The following NLGN1 variants were observed in gnomAD, a reference collection of about 807,000 sequenced individuals.
NLGN1 encodes neuroligin-1.
A neutral mutation model predicts 65.5 loss-of-function variants in NLGN1; 12 were observed. The ratio of observed to expected loss-of-function variants is 0.18; its 90% CI spans 0.12 to 0.30. The LOEUF is 0.30. NLGN1 is among the 10% of genes least tolerant of loss of function. The probability of loss-of-function intolerance (pLI) is 1.00; values close to 1 mark genes in which losing one functional copy is unlikely to be tolerated. For missense variants in NLGN1, 750 were observed against 1,007.1 expected (o/e 0.74, Z 3.46); for synonymous variants, 350 against 359.5 (o/e 0.97, Z 0.30).
intron 3 of NLGN1, among the ~76,000 whole-genome samples, chr3:173,623,986 C>T (rs1175003796): frequency 6.6e-6 from 1 of 151,968 alleles, no homozygotes; most frequent in Non-Finnish European, 1.5e-5. Flanking sequence ...TTTTCAAATA[C>T]AAATAGGAAT....
At chr3:173,716,654 TGAGAA>T (rs947963874) in intron 3 of NLGN1, among the ~76,000 whole-genome samples, 17 of 152,228 alleles carry the variant, frequency 1.1e-4, no homozygotes, top group Admixed American at 9.8e-4. Context: ...CCTGCTGACT[TGAGAA>T]AAGTGTTATT....
intron 3 of NLGN1, among the ~76,000 whole-genome samples, chr3:173,690,372 GC>G (rs1765298266): frequency 6.6e-6 from 1 of 151,958 alleles, no homozygotes; most frequent in South Asian, 2.1e-4. Flanking sequence ...TTTTATTCCT[GC>G]CTAGACACCT....
In NLGN1 at chr3:173,651,800, T is replaced by G. The variant is rs146603240; in HGVS notation, c.493+46709T>G. 8.3e-4 allele frequency among the ~76,000 whole-genome samples: 127 copies of G among 152,192 alleles called. 3 individuals are homozygous for G. In the East Asian group the frequency reaches 0.017, roughly 20 times the overall value. On this transcript the variant is annotated intron_variant, in intron 3 of 6. Transcript: ENST00000457714. ...ACTCATGTTCTTTGCCCATTTTTTT[T>G]GTTTTGTTTTTTGAGACAGAGTCTG...
intron 4 of NLGN1, among the ~76,000 whole-genome samples, chr3:174,254,686 C>A (rs1745358445): frequency 2.0e-5 from 3 of 151,266 alleles, no homozygotes; most frequent in African/African-American, 7.3e-5. Context: ...TTGTGTCTAC[C>A]AATACAAAAA....
intron 4 of NLGN1, among the ~76,000 whole-genome samples, chr3:174,139,138 G>T (rs985085983): frequency 4.6e-5 from 7 of 151,850 alleles, no homozygotes; most frequent in African/African-American, 1.7e-4. Flanking sequence ...AGAGTCCCTG[G>T]TGTACCTTAG....
At chr3:173,467,064 A>G (rs1724488827) in intron 2 of NLGN1, among the ~76,000 whole-genome samples, 1 of 152,128 alleles carries the variant, frequency 6.6e-6, no homozygotes, top group African/African-American at 2.4e-5. Context: ...TATATTTCTA[A>G]TCTCATCAGA....
rs187485384 is a variant in NLGN1 at position 174,180,195 on chromosome 3, C to G, written c.647-95120C>G. Among the ~76,000 whole-genome samples, 5 of 152,188 alleles carry G rather than the reference C, an allele frequency of 3.3e-5. No individual in the cohort carries two copies. In the East Asian group the frequency reaches 9.7e-4, roughly 29 times the overall value. ...ATACAAAAGTGAGAGTGCCTTTTAG[C>G]CTACATTAGGGAGGTGGGAGTAAAG... On this transcript the variant is annotated intron_variant, in intron 4 of 6. Transcript: ENST00000457714.
chr3:174,055,832 T>C (rs1470724422), intron 4 of NLGN1, among the ~76,000 whole-genome samples: 1 of 152,056 alleles, frequency 6.6e-6, no homozygotes, highest in African/African-American at 2.4e-5. Flanking sequence ...ATACCTGACT[T>C]ATTATTCTTT....
intron 3 of NLGN1, among the ~76,000 whole-genome samples, chr3:173,751,581 T>C (rs1318753852): frequency 1.3e-5 from 2 of 152,080 alleles, no homozygotes; most frequent in Non-Finnish European, 2.9e-5. Context: ...CTTGTTATGC[T>C]AATAATCAGA....
upstream of NLGN1, among the ~76,000 whole-genome samples, chr3:173,397,254 G>C (rs1331811598): frequency 6.6e-6 from 1 of 152,128 alleles, no homozygotes; most frequent in Non-Finnish European, 1.5e-5. Flanking sequence ...TACTTGGAGG[G>C]TAATTTGCCA....
At chr3:173,772,132 T>C (rs1190088706) in intron 3 of NLGN1, among the ~76,000 whole-genome samples, 2 of 152,184 alleles carry the variant, frequency 1.3e-5, no homozygotes, top group African/African-American at 2.4e-5. Context: ...TAAAAGATTA[T>C]TGGCTCATTT....
At chr3:174,212,291 T>C (rs981607222) in intron 4 of NLGN1, among the ~76,000 whole-genome samples, 3 of 152,282 alleles carry the variant, frequency 2.0e-5, no homozygotes, top group African/African-American at 7.2e-5. Flanking sequence ...AGCCCACGCC[T>C]ACCCGGAACT....
At chr3:173,685,587 A>C (rs570931712) in intron 3 of NLGN1, 4 of 935,568 alleles carry the variant, frequency 4.3e-6, no homozygotes, top group Non-Finnish European at 5.1e-6. Context: ...AAAAGAGGTT[A>C]TTAAAGTTCA....
exon 7 of NLGN1, chr3:174,281,238 G>A: frequency 1.9e-6 from 3 of 1,613,042 alleles, no homozygotes; most frequent in Non-Finnish European, 2.5e-6. Context: ...ATTTACTGGA[G>A]GACAGAACAA....
At chr3:173,408,419 C>A (rs1344074862) in intron 1 of NLGN1, among the ~76,000 whole-genome samples, 1 of 152,154 alleles carries the variant, frequency 6.6e-6, no homozygotes, top group East Asian at 1.9e-4. Flanking sequence ...ATGTATTCTT[C>A]CGTTTCTACT....
intron 4 of NLGN1, among the ~76,000 whole-genome samples, chr3:173,942,114 GTGTGTGTGTGTGTGTGTGTGTGTGTGTA>G (rs1210065361): frequency 1.6e-5 from 2 of 127,050 alleles, no homozygotes; most frequent in Non-Finnish European, 3.6e-5. Context: ...TTGGGGGTGT[GTGTGTGTGTGTGTGTGTGTGTGTGTGTA>G]TGTGTGTGTG....
intron 4 of NLGN1, among the ~76,000 whole-genome samples, chr3:173,808,564 ATTTG>A (rs1160138455): frequency 6.6e-6 from 1 of 152,132 alleles, no homozygotes; most frequent in Admixed American, 6.6e-5. Context: ...TCTAGCATAT[ATTTG>A]TTTGTTATAG....
intron 4 of NLGN1, among the ~76,000 whole-genome samples, chr3:174,041,155 C>G (rs1732217781): frequency 6.6e-6 from 1 of 152,090 alleles, no homozygotes; most frequent in South Asian, 2.1e-4. Flanking sequence ...CCACCTGTCC[C>G]CAAAGTTTTA....
chr3:173,642,405 T>C (rs139771014), intron 3 of NLGN1, among the ~76,000 whole-genome samples: 6 of 152,198 alleles, frequency 3.9e-5, no homozygotes, highest in South Asian at 4.1e-4. Context: ...AACGGGGGCA[T>C]TGGGGGGTCT....
Sources: allele counts gnomAD v4.1 joint callset (sites outside exome capture counted in the v4.1 genomes callset), GRCh38; gene constraint gnomAD v4.1.1; transcripts MANE v1.5; gene names NCBI Gene and HGNC (gene_info 2026-07-23, HGNC 2026-07-21).